Variants in CNTN6 observed in about 807,000 individuals in gnomAD.
CNTN6 encodes contactin-6.
A neutral mutation model predicts 122.8 loss-of-function variants in CNTN6; 137 were observed. The observed-to-expected ratio is 1.12, with a 90% CI of 0.97 to 1.29. The LOEUF (loss-of-function observed/expected upper bound fraction) is 1.29. CNTN6 is among the 50% of genes most tolerant of loss of function. The pLI is 0.00. For missense variants in CNTN6, 1,634 were observed against 1,223.4 expected (o/e 1.34, Z -5.01); for synonymous variants, 570 against 426.0 (o/e 1.34, Z -4.16).
intron 5 of CNTN6, among the ~76,000 whole-genome samples, chr3:1,294,383 A>G (rs143249740): frequency 3.4e-4 from 52 of 152,324 alleles, no homozygotes; most frequent in African/African-American, 1.3e-3. Context: ...TGACATACAA[A>G]TGACAGCAGA....
rs114382836 is a variant in CNTN6 at position 1,117,911 on chromosome 3, G to A, written c.-83+24791G>A. Among the ~76,000 whole-genome samples the A allele has an allele frequency of 3.9e-3, 595 of 152,234 alleles. 8 individuals are homozygous for A. The highest frequency in any genetic ancestry group is 0.014 in the African/African-American group (569 of 41,540). On this transcript the variant is annotated intron_variant, in intron 1 of 22. Coordinates refer to ENST00000446702, the MANE Select transcript of CNTN6 (RefSeq NM_001289080.2). ...AGAAACTGAGCTTCAGTTCTTTGCA[G>A]TGTGATTCACACCATTCTGCACATT...
chr3:1,310,026 AT>A (rs955887614), intron 7 of CNTN6, among the ~76,000 whole-genome samples: 4 of 152,010 alleles, frequency 2.6e-5, no homozygotes, highest in Non-Finnish European at 4.4e-5. Flanking sequence ...TGCTGGAGTT[AT>A]TTTTTGTTAA....
At chr3:1,102,562 C>G (rs180886701) in intron 1 of CNTN6, among the ~76,000 whole-genome samples, 4 of 148,988 alleles carry the variant, frequency 2.7e-5, no homozygotes, top group Non-Finnish European at 6.0e-5. Context: ...AACCCCGTCT[C>G]TACTAAAAAT....
intron 2 of CNTN6, among the ~76,000 whole-genome samples, chr3:1,181,070 G>C (rs770337244): frequency 6.6e-6 from 1 of 151,886 alleles, no homozygotes; most frequent in Non-Finnish European, 1.5e-5. Flanking sequence ...AATCAAAATT[G>C]TGAATTTCGG....
At chr3:1,169,017 C>A (rs147388038) in intron 2 of CNTN6, among the ~76,000 whole-genome samples, 2 of 152,216 alleles carry the variant, frequency 1.3e-5, no homozygotes, top group East Asian at 1.9e-4. Flanking sequence ...CAAAGTCACT[C>A]ATCCGTGGAG....
intron 2 of CNTN6, among the ~76,000 whole-genome samples, chr3:1,210,002 T>A (rs535733345): frequency 6.6e-6 from 1 of 152,320 alleles, no homozygotes; most frequent in South Asian, 2.1e-4. Flanking sequence ...TTCATAACTA[T>A]TTTTAAAACT....
At chr3:1,376,488 C>A (rs923633605) in intron 16 of CNTN6, among the ~76,000 whole-genome samples, 3 of 152,014 alleles carry the variant, frequency 2.0e-5, no homozygotes, top group Non-Finnish European at 2.9e-5. Flanking sequence ...TCTTCTCTCC[C>A]GAGAGATTTG....
chr3:1,110,646 C>A (rs1428011611), intron 1 of CNTN6, among the ~76,000 whole-genome samples: 1 of 151,846 alleles, frequency 6.6e-6, no homozygotes, highest in Non-Finnish European at 1.5e-5. Context: ...TTCAGCAGCC[C>A]TGAGAAGTTT....
At chr3:1,401,086 A>G (rs75125432) in intron 20 of CNTN6, among the ~76,000 whole-genome samples, 17,537 of 151,780 alleles carry the variant, frequency 0.12, 1,187 homozygotes, top group Middle Eastern at 0.2. Flanking sequence ...TTTGCCAAAC[A>G]TGCTCATTGA....
intron 2 of CNTN6, among the ~76,000 whole-genome samples, chr3:1,157,281 G>A (rs2092996070): frequency 6.6e-6 from 1 of 151,720 alleles, no homozygotes; most frequent in African/African-American, 2.4e-5. Context: ...GCGGTGGCAC[G>A]ATTCTGGCTC....
intron 19 of CNTN6, among the ~76,000 whole-genome samples, chr3:1,385,280 T>C (rs1220763575): frequency 6.6e-6 from 1 of 152,204 alleles, no homozygotes; most frequent in East Asian, 1.9e-4. Flanking sequence ...TGACTGATTA[T>C]ATACAAATGT....
intron 3 of CNTN6, among the ~76,000 whole-genome samples, chr3:1,222,391 G>T (rs1001580849): frequency 6.6e-6 from 1 of 152,010 alleles, no homozygotes; most frequent in African/African-American, 2.4e-5. Context: ...TTGATCCTAG[G>T]GGTTAGTAGA....
At chr3:1,277,185 C>G (rs1354790101) in intron 4 of CNTN6, among the ~76,000 whole-genome samples, 2 of 152,124 alleles carry the variant, frequency 1.3e-5, no homozygotes, top group Admixed American at 6.5e-5. Context: ...CTCAAGGACA[C>G]TTACCACAAT....
chr3:1,127,320 A>G (rs925407172), intron 1 of CNTN6, among the ~76,000 whole-genome samples: 19 of 151,828 alleles, frequency 1.3e-4, no homozygotes, highest in Non-Finnish European at 7.4e-5. Context: ...TATACCAATG[A>G]CAGTATTACA....
rs1390285671 is a variant in CNTN6 at position 1,352,308 on chromosome 3, T to A, written c.1365-16T>A. On this transcript the variant is annotated splice_polypyrimidine_tract_variant and intron_variant, in intron 11 of 22. Transcript: ENST00000446702. Reference sequence around the variant, plus strand: ...TGAAGAGCCTTACTTCTATTAATGATGTATTTTCTTTTTAGAATATTTCTC... The same window carrying A: ...TGAAGAGCCTTACTTCTATTAATGAAGTATTTTCTTTTTAGAATATTTCTC... 6.7e-7 allele frequency: 1 copy of A among 1,495,858 alleles called. No homozygotes were observed. Among genetic ancestry groups the A allele is most frequent in the Non-Finnish European group, 9.0e-7 (1 of 1,115,630 alleles). 92.7% of individuals were successfully genotyped at this position (1,495,858 alleles called of 1,614,324 possible). A position where few individuals can be genotyped will look rare whatever the true frequency, so the allele number is the denominator to read the frequency against.
chr3:1,356,524 C>G (rs570763215), intron 12 of CNTN6, among the ~76,000 whole-genome samples: 67 of 151,732 alleles, frequency 4.4e-4, no homozygotes, highest in Non-Finnish European at 8.1e-4. Flanking sequence ...GGCTTCGTGG[C>G]TCTAGAAGGC....
intron 4 of CNTN6, among the ~76,000 whole-genome samples, chr3:1,247,927 C>T (rs1303921216): frequency 6.6e-6 from 1 of 152,168 alleles, no homozygotes. Context: ...TCACTATTCT[C>T]TGACTGTAGC....
At chr3:1,354,014 C>T (rs936358752) in intron 12 of CNTN6, among the ~76,000 whole-genome samples, 3 of 151,354 alleles carry the variant, frequency 2.0e-5, no homozygotes, top group Non-Finnish European at 4.4e-5. Context: ...AAGAAAAACA[C>T]AAGTTAATGG....
chr3:1,203,647 T>C (rs944992143), intron 2 of CNTN6, among the ~76,000 whole-genome samples: 6 of 152,194 alleles, frequency 3.9e-5, no homozygotes, highest in Admixed American at 1.3e-4. Flanking sequence ...TGAAGCGTGG[T>C]TGATGGACTG....
Sources: gnomAD v4.1 joint callset for allele counts (sites outside exome capture counted in the v4.1 genomes callset) on GRCh38, gnomAD v4.1.1 for gene constraint, MANE v1.5 for transcripts, NCBI Gene and HGNC (gene_info 2026-07-23, HGNC 2026-07-21) for gene names.